The following MTHFSD variants were observed in gnomAD, a reference collection of about 807,000 sequenced individuals.
The protein encoded by MTHFSD is methenyltetrahydrofolate synthetase domain containing.
A neutral mutation model predicts 31.1 loss-of-function variants in MTHFSD; 37 were observed. The ratio of observed to expected loss-of-function variants is 1.19; its 90% CI spans 0.91 to 1.56. The LOEUF (loss-of-function observed/expected upper bound fraction) is 1.56. MTHFSD is among the 40% of genes most tolerant of loss of function. The pLI, the probability that MTHFSD is intolerant of heterozygous loss-of-function variation, is 0.00. For synonymous variants in MTHFSD, 221 were observed against 206.9 expected (o/e 1.07, Z -0.59); for missense variants, 664 against 510.1 (o/e 1.30, Z -2.91).
At chr16:86,549,236 G>A (rs886682617) in intron 3 of MTHFSD, among the ~76,000 whole-genome samples, 6 of 152,230 alleles carry the variant, frequency 3.9e-5, no homozygotes, top group African/African-American at 1.4e-4. Flanking sequence ...CTGGGGGTGG[G>A]GAGCTTCGAT....
At chr16:86,544,063 CTTTATTATGAGTTGTATAA>C (rs1350643058) in intron 5 of MTHFSD, among the ~76,000 whole-genome samples, 1 of 152,176 alleles carries the variant, frequency 6.6e-6, no homozygotes, top group African/African-American at 2.4e-5. Flanking sequence ...CCCACTGATT[CTTTATTATGAGTTGTATAA>C]TTACTCTGTG....
chr16:86,535,214 T>TA (rs1970517119), intron 7 of MTHFSD: 1 of 983,328 alleles, frequency 1.0e-6, no homozygotes, highest in Non-Finnish European at 1.2e-6. Context: ...CAGGGGCCGT[T>TA]AGAATGGAAA....
At chr16:86,547,739 G>C (rs536834682) in intron 4 of MTHFSD, among the ~76,000 whole-genome samples, 15 of 152,034 alleles carry the variant, frequency 9.9e-5, no homozygotes, top group South Asian at 2.1e-4. Flanking sequence ...GGAATAAGCA[G>C]GGTGCTAATA....
chr16:86,532,143 G>C lies in MTHFSD; in HGVS notation c.1020C>G (p.Gly340=). The C allele has an allele frequency of 6.4e-7, 1 of 1,560,690 alleles. No individual in the cohort carries two copies. Among genetic ancestry groups the C allele is most frequent in the Non-Finnish European group, 8.7e-7 (1 of 1,153,268 alleles). Residue 340 remains glycine (G), a synonymous_variant, in exon 8 of 8, where the codon GGC becomes GGG. Coordinates refer to ENST00000360900, the MANE Select transcript of MTHFSD (RefSeq NM_001159377.2). ...AATGGAGGAAGGCTCTGCGCCGCGGGCCCTGCCAGGTGAGCCGCAGGGGCA... is the reference window on the plus strand; with the variant it reads ...AATGGAGGAAGGCTCTGCGCCGCGGCCCCTGCCAGGTGAGCCGCAGGGGCA... The part of the protein sequence containing the change: ...GSVPLRLTWQ[G]PRRRAFLHYP...
chr16:86,553,698 G>C (rs1203355643), intron 2 of MTHFSD: 1 of 152,796 alleles, frequency 6.5e-6, no homozygotes, highest in Non-Finnish European at 1.5e-5. Flanking sequence ...CCTGCTCCAC[G>C]GTGCCTGGTG....
intron 2 of MTHFSD, among the ~76,000 whole-genome samples, chr16:86,552,593 C>G (rs1973323452): frequency 6.6e-6 from 1 of 152,184 alleles, no homozygotes; most frequent in African/African-American, 2.4e-5. Context: ...AGTAGCATGA[C>G]CTGGAAGCCC....
At position 86,532,396 on chromosome 16, in the gene MTHFSD, T is replaced by C; in HGVS notation, c.767A>G (p.Gln256Arg). The C allele has an allele frequency of 1.9e-6, 3 of 1,542,444 alleles. No individual in the cohort carries two copies. Among genetic ancestry groups the C allele is most frequent in the South Asian group, 1.2e-5 (1 of 80,656 alleles). ...TTCCGGAAGGTGCTGGTGCTCACCC[T>C]GGAGGGTGACATCCTTCCCAGCCTG... ...EQQAGKDVTL[Q>R]GEHQHLPEPG... Residue 256 changes from glutamine (Q) to arginine (R), a missense_variant, in exon 8 of 8, where the codon CAG (glutamine) becomes CGG (arginine). Physicochemically the swap from Gln to Arg is conservative, Grantham distance 43. Transcript: ENST00000360900.
At chr16:86,543,396 G>T (rs1191964434) in intron 5 of MTHFSD, among the ~76,000 whole-genome samples, 3 of 152,210 alleles carry the variant, frequency 2.0e-5, no homozygotes, top group Non-Finnish European at 2.9e-5. Flanking sequence ...GGCCCCCATG[G>T]ATAGCCCCAA....
intron 7 of MTHFSD, chr16:86,541,069 A>G (rs1224611038): frequency 8.0e-7 from 1 of 1,245,492 alleles, no homozygotes; most frequent in Non-Finnish European, 1.0e-6. Context: ...AGTTTTGTCC[A>G]CACGAAGCAC....
rs1183461102 is a variant in MTHFSD at position 86,541,924 on chromosome 16, C to A, written c.556-102G>T. ...ACGTGAGGCTGGCTAGAGAAGCACC[C>A]CCAAATCCACTCTGGGGCTAAGGCT... On this transcript the variant is annotated intron_variant, in intron 6 of 7. Transcript: ENST00000360900. 4 of 1,508,240 alleles carry A rather than the reference C, an allele frequency of 2.7e-6. No individual in the cohort carries two copies. The Admixed American group carries it at 5.4e-5, about 20-fold the overall frequency. The allele number at this position is 1,508,240 out of a possible 1,614,324, so 93.4% of individuals were successfully genotyped here. A position where few individuals can be genotyped will look rare whatever the true frequency, so the allele number is the denominator to read the frequency against.
At chr16:86,546,297 T>C (rs575244846) in intron 5 of MTHFSD, among the ~76,000 whole-genome samples, 205 of 152,350 alleles carry the variant, frequency 1.3e-3, no homozygotes, top group African/African-American at 4.8e-3. Context: ...AGAGAAAACC[T>C]TTCACCACCT....
At chr16:86,550,637 A>G (rs1973004249) in intron 3 of MTHFSD, among the ~76,000 whole-genome samples, 1 of 152,232 alleles carries the variant, frequency 6.6e-6, no homozygotes, top group Non-Finnish European at 1.5e-5. Flanking sequence ...ACCAAACCAC[A>G]TAATACAGGG....
In MTHFSD at chr16:86,555,203, C is replaced by A. The variant is rs1478337277; in HGVS notation, c.-19G>T. On this transcript the variant is annotated 5_prime_UTR_variant, in exon 1 of 8. Coordinates refer to ENST00000360900, the MANE Select transcript of MTHFSD (RefSeq NM_001159377.2). ...GCTCCATGGTGATGCAGTCGCTGTG[C>A]GACGCTTCCCGGCGCAGGTTCTGGC... The A allele has an allele frequency of 6.5e-7, 1 of 1,536,522 alleles. No homozygotes were observed. The highest frequency in any genetic ancestry group is 2.4e-5 in the East Asian group (1 of 40,954).
intron 1 of MTHFSD, 21 bp from the exon 2 acceptor site, chr16:86,554,772 TTAA>T (rs770764891): frequency 1.9e-5 from 30 of 1,585,764 alleles, no homozygotes; most frequent in African/African-American, 2.7e-5. Flanking sequence ...AGATTCCCAC[TTAA>T]TAACATACAA....
chr16:86,538,587 C>T lies in MTHFSD; in HGVS notation c.681+3110G>A, dbSNP rs145222544. ...GGCTTCAGCCATTTTCGGTTTGCTA[C>T]GGCACAGAGCTGAGGCAGCCAAATG... On this transcript the variant is annotated intron_variant, in intron 7 of 7. Coordinates refer to ENST00000360900, the MANE Select transcript of MTHFSD (RefSeq NM_001159377.2). Among the ~76,000 whole-genome samples, 204 of 152,334 alleles carry T rather than the reference C, an allele frequency of 1.3e-3. 1 individual carries two copies. The highest frequency in any genetic ancestry group is 4.6e-3 in the African/African-American group (193 of 41,582).
chr16:86,546,579 G>T lies in MTHFSD; in HGVS notation c.422C>A (p.Ser141Tyr). 6.2e-7 allele frequency: 1 copy of T among 1,613,972 alleles called. No individual in the cohort carries two copies. ...RVLVDLVVVG[S>Y]VAVSEKGWRI... ...CTTACCTTTTTCAGAAACGGCGACG[G>T]ATCCCACCACAACTAAATCCACGAG... is the stretch of plus-strand genomic sequence containing the variant. The change falls in exon 5 of 8, where the codon TCC becomes TAC. Residue 141 changes from serine to tyrosine, a missense_variant. Ser to Tyr is a moderately radical substitution (Grantham distance 144). Transcript: ENST00000360900.
At chr16:86,554,994 C>G in intron 1 of MTHFSD, 175 bp downstream of exon 1, 1 of 1,370,126 alleles carries the variant, frequency 7.3e-7, no homozygotes, top group South Asian at 1.5e-5. Context: ...GGATTCCGGG[C>G]GAGAGAGCCG....
rs546406903 is a variant in MTHFSD at position 86,542,021 on chromosome 16, C to G, written c.555+80G>C. 7.1e-7 allele frequency: 1 copy of G among 1,403,602 alleles called. No individual in the cohort carries two copies. The highest frequency in any genetic ancestry group is 1.2e-5 in the South Asian group (1 of 80,996). The allele number at this position is 1,403,602 out of a possible 1,614,324, so 86.9% of individuals were successfully genotyped here. A position where few individuals can be genotyped will look rare whatever the true frequency, so the allele number is the denominator to read the frequency against. ...CTCGCCACACAGCATGGTTCAGAAGCAGATGAGTCTCCTTCCCCACCCCCT... is the reference window on the plus strand; with the variant it reads ...CTCGCCACACAGCATGGTTCAGAAGGAGATGAGTCTCCTTCCCCACCCCCT... On this transcript the variant is annotated intron_variant, in intron 6 of 7. Transcript: ENST00000360900. The surrounding 1 kb of genome is among the most constrained non-coding windows in gnomAD (Gnocchi z 4.6).
chr16:86,536,955 T>C (rs1970784181), intron 7 of MTHFSD, among the ~76,000 whole-genome samples: 2 of 152,234 alleles, frequency 1.3e-5, no homozygotes, highest in South Asian at 4.1e-4. Flanking sequence ...CACACGTCTG[T>C]GCGTGAGTTT....
Sources: gnomAD v4.1 joint callset for allele counts (sites outside exome capture counted in the v4.1 genomes callset) on GRCh38, gnomAD v4.1.1 for gene constraint, Gnocchi (gnomAD v3.1) non-coding constraint, MANE v1.5 for transcripts, NCBI Gene and HGNC (gene_info 2026-07-23, HGNC 2026-07-21) for gene names.